The following ANO3 variants were observed in gnomAD, a reference collection of about 807,000 sequenced individuals.
The protein encoded by ANO3 is anoctamin 3.
Under a neutral mutation model 144.8 loss-of-function variants are expected in ANO3, and 99 were observed. The ratio of observed to expected loss-of-function variants is 0.68; its 90% CI spans 0.58 to 0.81. The LOEUF is 0.81. Ranked by LOEUF, ANO3 falls within the 30% of genes least tolerant of loss-of-function variation. ANO3 has a pLI of 0.00. For missense variants in ANO3, 905 were observed against 1,202.2 expected (o/e 0.75, Z 3.66); for synonymous variants, 414 against 392.6 (o/e 1.05, Z -0.64).
intron 17 of ANO3, among the ~76,000 whole-genome samples, chr11:26,617,453 A>G (rs1176952829): frequency 6.6e-6 from 1 of 152,258 alleles, no homozygotes; most frequent in African/African-American, 2.4e-5. Flanking sequence ...AGAGAGGATT[A>G]TTGGAATTAT....
intron 1 of ANO3, among the ~76,000 whole-genome samples, chr11:26,434,813 A>G (rs1858237992): frequency 1.3e-5 from 2 of 151,956 alleles, no homozygotes; most frequent in South Asian, 2.1e-4. Context: ...TTTGGTTCTT[A>G]TGCATTTGCT....
At chr11:26,562,966 G>A (rs1263413211) in intron 14 of ANO3, 7 of 1,141,136 alleles carry the variant, frequency 6.1e-6, no homozygotes, top group Non-Finnish European at 5.7e-6. Context: ...TTTGTTCTTT[G>A]ATAAACAGAA....
In ANO3 at chr11:26,255,273, C is replaced by G. The variant is rs143164950; in HGVS notation, c.155-54372C>G. Among the ~76,000 whole-genome samples the G allele has an allele frequency of 3.2e-3, 489 of 152,190 alleles. 4 individuals are homozygous for G. Among genetic ancestry groups the G allele is most frequent in the African/African-American group, 0.01 (435 of 41,554 alleles). ...TATTTCTCCATCTGATGTTATTTCC[C>G]TGATCAACACTAGTGTTGTGCGATT... On this transcript the variant is annotated intron_variant, in intron 1 of 27. Coordinates refer to the ANO3 transcript ENST00000672621.
intron 1 of ANO3, among the ~76,000 whole-genome samples, chr11:26,385,126 A>G (rs1372015187): frequency 3.3e-5 from 5 of 152,220 alleles, no homozygotes; most frequent in African/African-American, 4.8e-5. Flanking sequence ...ACATGAAAAG[A>G]TCAATTAAGA....
intron 6 of ANO3, among the ~76,000 whole-genome samples, chr11:26,524,771 C>T (rs952843948): frequency 1.3e-5 from 2 of 152,124 alleles, no homozygotes; most frequent in African/African-American, 4.8e-5. Context: ...TGTTAAGGCC[C>T]GTTATCATCT....
chr11:26,255,321 G>T (rs1853031497), intron 1 of ANO3, among the ~76,000 whole-genome samples: 1 of 152,138 alleles, frequency 6.6e-6, no homozygotes, highest in Non-Finnish European at 1.5e-5. Context: ...CTATGGTTTA[G>T]ATAGACTTGA....
At position 26,552,510 on chromosome 11, in the gene ANO3, G is replaced by T. The variant is rs190637229; in HGVS notation, c.1290-739G>T. On this transcript the variant is annotated intron_variant, in intron 12 of 26. Transcript: ENST00000256737. The stretch of plus-strand genomic sequence containing the variant: ...TGTATGAGAGGAAAGGGCACAAAGC[G>T]TCCTGCAAATAAGTTGCTGAGAACT... Among the ~76,000 whole-genome samples, 7 of 152,144 alleles carry T rather than the reference G, an allele frequency of 4.6e-5. No homozygotes were observed. The East Asian group carries it at 1.4e-3, about 29-fold the overall frequency.
chr11:26,198,270 C>G (rs1196832929), intron 1 of ANO3, among the ~76,000 whole-genome samples: 3 of 152,072 alleles, frequency 2.0e-5, no homozygotes, highest in Non-Finnish European at 4.4e-5. Flanking sequence ...AATTCATATC[C>G]TGGATATTGT....
intron 1 of ANO3, among the ~76,000 whole-genome samples, chr11:26,190,181 C>A (rs894200011): frequency 1.3e-5 from 2 of 152,246 alleles, no homozygotes; most frequent in South Asian, 4.1e-4. Context: ...TTGTTGGACA[C>A]TGATCTTTGT....
intron 1 of ANO3, among the ~76,000 whole-genome samples, chr11:26,273,522 C>G (rs966082042): frequency 1.3e-5 from 2 of 151,960 alleles, no homozygotes; most frequent in African/African-American, 2.4e-5. Context: ...ACCATCAAGC[C>G]TCAAACAATA....
At chr11:26,218,779 C>A (rs960951691) in intron 1 of ANO3, among the ~76,000 whole-genome samples, 12 of 151,888 alleles carry the variant, frequency 7.9e-5, no homozygotes, top group African/African-American at 2.9e-4. Flanking sequence ...AATATAAAAG[C>A]CTGTAGCCCA....
rs144023870 is a variant in ANO3 at position 26,652,520 on chromosome 11, CTCT to C, written c.2577-3597_2577-3595del. ...AAATTCCTCCACTTGTGCCCTGGAT[CTCT>C]TCTTCTTTCCCTATCTGAAACCATC... On this transcript the variant is annotated intron_variant, in intron 24 of 26. Transcript: ENST00000256737. Among the ~76,000 whole-genome samples, 1,199 of 152,296 alleles carry C rather than the reference CTCT, an allele frequency of 7.9e-3. 11 individuals carry two copies. Among genetic ancestry groups the C allele is most frequent in the African/African-American group, 0.027 (1,142 of 41,562 alleles).
rs146887266 is a variant in ANO3 at position 26,201,695 on chromosome 11, A to C, written c.154+12365A>C. On this transcript the variant is annotated intron_variant, in intron 1 of 27. Coordinates refer to the ANO3 transcript ENST00000672621. Reference sequence around the variant, plus strand: ...AGAAACCCTGAATACTAAGCTCATGAATGTCATGATAGTGGAGTAGTAATA... The same window carrying C: ...AGAAACCCTGAATACTAAGCTCATGCATGTCATGATAGTGGAGTAGTAATA... 8.9e-3 allele frequency among the ~76,000 whole-genome samples: 1,354 copies of C among 152,030 alleles called. 12 individuals carry two copies. Among genetic ancestry groups the C allele is most frequent in the Non-Finnish European group, 0.012 (813 of 67,870 alleles).
chr11:26,443,676 GC>G, intron 2 of ANO3, 88 bp from the exon 3 acceptor site: 1 of 591,448 alleles, frequency 1.7e-6, no homozygotes. Context: ...ATCATGTTTG[GC>G]CATCATTTGT....
intron 26 of ANO3, among the ~76,000 whole-genome samples, chr11:26,659,530 C>T (rs1249158622): frequency 1.3e-5 from 2 of 151,780 alleles, no homozygotes; most frequent in Non-Finnish European, 2.9e-5. Context: ...CTCATATCTA[C>T]AAATTTTTTA....
intron 4 of ANO3, among the ~76,000 whole-genome samples, chr11:26,501,553 A>G (rs1590424201): frequency 6.6e-6 from 1 of 152,016 alleles, no homozygotes; most frequent in East Asian, 2.0e-4. Flanking sequence ...GCAAAACAAC[A>G]TTTTAAGCAT....
chr11:26,435,701 A>G (rs1218014546), intron 1 of ANO3, among the ~76,000 whole-genome samples: 3 of 152,036 alleles, frequency 2.0e-5, no homozygotes, highest in Admixed American at 6.6e-5. Context: ...TTGCTGCTGC[A>G]TTGTGAAATT....
intron 1 of ANO3, among the ~76,000 whole-genome samples, chr11:26,189,483 G>A (rs1411592293): frequency 6.6e-6 from 1 of 152,166 alleles, no homozygotes; most frequent in Non-Finnish European, 1.5e-5. Context: ...TTCCCAAAAT[G>A]TATAAATAGA....
intron 1 of ANO3, among the ~76,000 whole-genome samples, chr11:26,262,315 A>T (rs1395530144): frequency 6.6e-6 from 1 of 152,106 alleles, no homozygotes; most frequent in African/African-American, 2.4e-5. Context: ...TTCTTCATCT[A>T]GTTAAATTTT....
Sources: allele counts gnomAD v4.1 joint callset (sites outside exome capture counted in the v4.1 genomes callset), GRCh38; gene constraint gnomAD v4.1.1; transcripts MANE v1.5; gene names NCBI Gene and HGNC (gene_info 2026-07-23, HGNC 2026-07-21).